Variants in PLG observed in about 807,000 individuals in gnomAD.
PLG encodes plasmin.
A neutral mutation model predicts 104.4 loss-of-function variants in PLG; 41 were observed. That is an observed-to-expected ratio of 0.39 (90% CI 0.31 to 0.51). PLG has a LOEUF of 0.51. Among genes scored for constraint, PLG ranks in the 20% least tolerant of loss-of-function variants. The probability of loss-of-function intolerance (pLI) is 0.76; values close to 1 mark genes in which losing one functional copy is unlikely to be tolerated. For synonymous variants in PLG, 337 were observed against 357.1 expected, an observed-to-expected ratio of 0.94 and a Z score of 0.63; for missense variants, 891 against 1,003.6, an observed-to-expected ratio of 0.89 and a Z score of 1.52.
rs965108304 is a variant in PLG, at chr6:160,735,132, A to T, written c.1681+1044A>T. The stretch of plus-strand genomic sequence containing the variant: ...ATGCGGCATTGTGATCTCTGGATTT[A>T]GCATGAGTTGATAGCTGACTTTTTC... On this transcript the variant is annotated intron_variant, in intron 13 of 18. Coordinates refer to ENST00000308192, the MANE Select transcript of PLG (RefSeq NM_000301.5). The surrounding 1 kb of genome is among the most constrained non-coding windows in gnomAD (Gnocchi z 5.4). Among the ~76,000 whole-genome samples, 1 of 152,200 alleles carries T rather than the reference A, an allele frequency of 6.6e-6. No individual in the cohort carries two copies. Among genetic ancestry groups the T allele is most frequent in the Non-Finnish European group, 1.5e-5 (1 of 68,034 alleles).
At position 160,714,883 on chromosome 6, in the gene PLG, A is replaced by G; in HGVS notation, c.637A>G (p.Ser213Gly). 1 of 1,613,888 alleles carries G rather than the reference A, an allele frequency of 6.2e-7. No individual in the cohort carries two copies. Among genetic ancestry groups the G allele is most frequent in the East Asian group, 2.2e-5 (1 of 44,874 alleles). ...GGAATGCCAGGCCTGGGACTCTCAG[A>G]GCCCACACGCTCATGGATACATTCC... ...GLECQAWDSQ[S>G]PHAHGYIPSK... The change falls in exon 6 of 19, where the codon AGC becomes GGC. Residue 213 changes from serine (S) to glycine (G), a missense_variant. Around this residue, in one of 2 missense-constraint regions of PLG, gnomAD observed 854 missense variants for 932.1 expected, o/e 0.92. Coordinates refer to ENST00000308192, the MANE Select transcript of PLG (RefSeq NM_000301.5).
Position 160,723,496 on chromosome 6 carries a change from G to T in PLG, c.1256+929G>T, listed in dbSNP as rs1777878553. Among the ~76,000 whole-genome samples the T allele has an allele frequency of 6.6e-6, 1 of 152,174 alleles. No homozygotes were observed. The highest frequency in any genetic ancestry group is 2.1e-4 in the South Asian group (1 of 4,830). ...GGAGACTTCCTGGGCTGAAGAACAA[G>T]GAGATGGAGCCCAAGCCGACCACAG... On this transcript the variant is annotated intron_variant, in intron 10 of 18. Transcript: ENST00000308192. The surrounding 1 kb of genome is among the most constrained non-coding windows in gnomAD (Gnocchi z 4.7).
chr6:160,753,602 G>A lies in PLG; in HGVS notation c.*541G>A, dbSNP rs1778445665. Among the ~76,000 whole-genome samples the A allele has an allele frequency of 6.6e-6, 1 of 152,254 alleles. No homozygotes were observed. Among genetic ancestry groups the A allele is most frequent in the African/African-American group, 2.4e-5 (1 of 41,550 alleles). On this transcript the variant is annotated 3_prime_UTR_variant, in exon 19 of 19. Transcript: ENST00000308192. This position sits in a 1 kb window ranked among gnomAD's most constrained non-coding sequence, Gnocchi z 5.4. ...TTGGGAATGAAATCTGTCACCGACT[G>A]CTTGACTTGAGCCCAGGGGACACGG... is the stretch of plus-strand genomic sequence containing the variant.
Position 160,722,356 on chromosome 6 carries a change from CTTCT to C in PLG, c.1097-49_1097-46del, listed in dbSNP as rs1220702204. On this transcript the variant is annotated intron_variant, in intron 9 of 18. Transcript: ENST00000308192. ...TGTTTTTGTCATAAATTGCTTCATG[CTTCT>C]TTTTTTTCAGTAATTGTTAAGCTTG... The C allele has an allele frequency of 9.2e-6, 13 of 1,412,512 alleles. No individual in the cohort carries two copies. The Admixed American group carries it at 2.2e-4, about 24-fold the overall frequency. 87.5% of individuals were successfully genotyped at this position (1,412,512 alleles called of 1,614,324 possible).
intron 10 of PLG, among the ~76,000 whole-genome samples, chr6:160,729,393 G>T (rs1777964497): frequency 6.6e-6 from 1 of 152,034 alleles, no homozygotes; most frequent in African/African-American, 2.4e-5. Flanking sequence ...TTTACCCCAT[G>T]GAAATGAAAA....
rs1268123606 is a variant in PLG, at chr6:160,732,049, G to A, written c.1587+156G>A. Among the ~76,000 whole-genome samples, 3 of 152,168 alleles carry A rather than the reference G, an allele frequency of 2.0e-5. No individual in the cohort carries two copies. Among genetic ancestry groups the A allele is most frequent in the Admixed American group, 6.5e-5 (1 of 15,282 alleles). On this transcript the variant is annotated intron_variant, in intron 12 of 18. Transcript: ENST00000308192. The surrounding 1 kb of genome is among the most constrained non-coding windows in gnomAD (Gnocchi z 4.5). ...TATTGGAAAGGCATCAGGGGGCTAA[G>A]CTAGAATATAATTGGCCTTAGTATG...
At position 160,725,711 on chromosome 6, in the gene PLG, T is replaced by C. The variant is rs1177844691; in HGVS notation, c.1256+3144T>C. Among the ~76,000 whole-genome samples the C allele has an allele frequency of 6.6e-6, 1 of 152,160 alleles. No individual in the cohort carries two copies. Among genetic ancestry groups the C allele is most frequent in the Non-Finnish European group, 1.5e-5 (1 of 68,014 alleles). Reference sequence around the variant, plus strand: ...AAATCAAAGCCCAATTATGTTCTTTTTACTATACATGCTCTTTAATTGTAA... The same window carrying C: ...AAATCAAAGCCCAATTATGTTCTTTCTACTATACATGCTCTTTAATTGTAA... On this transcript the variant is annotated intron_variant, in intron 10 of 18. Coordinates refer to ENST00000308192, the MANE Select transcript of PLG (RefSeq NM_000301.5). This position sits in a 1 kb window ranked among gnomAD's most constrained non-coding sequence, Gnocchi z 6.3.
rs147042213 is a variant in PLG, at chr6:160,741,465, G to C, written c.2125+48G>C. 31 of 1,043,132 alleles carry C rather than the reference G, an allele frequency of 3.0e-5. No homozygotes were observed. The highest frequency in any genetic ancestry group is 4.2e-5 in the Non-Finnish European group (28 of 660,226). 64.6% of individuals were successfully genotyped at this position (1,043,132 alleles called of 1,614,324 possible). On this transcript the variant is annotated intron_variant, in intron 17 of 18. Transcript: ENST00000308192. This position sits in a 1 kb window ranked among gnomAD's most constrained non-coding sequence, Gnocchi z 4.7. ...CATAACGAATTGGTTTTGACCTACA[G>C]TCCATGTGACAAAATGATCATTTTG... is the stretch of plus-strand genomic sequence containing the variant.
Position 160,754,043 on chromosome 6 carries a change from C to T in PLG, c.*982C>T, listed in dbSNP as rs547111906. Among the ~76,000 whole-genome samples, 1 of 152,310 alleles carries T rather than the reference C, an allele frequency of 6.6e-6. No individual in the cohort carries two copies. The highest frequency in any genetic ancestry group is 2.1e-4 in the South Asian group (1 of 4,810). On this transcript the variant is annotated 3_prime_UTR_variant, in exon 19 of 19. Coordinates refer to ENST00000308192, the MANE Select transcript of PLG (RefSeq NM_000301.5). The surrounding 1 kb of genome is among the most constrained non-coding windows in gnomAD (Gnocchi z 4.9). ...TGTGAATAAAGGGTGAATGTAGTCT[C>T]AAATCCTCAAAGAGCTGTGTTTATT...
At position 160,736,986 on chromosome 6, in the gene PLG, G is replaced by A; in HGVS notation, c.1781G>A (p.Trp594Ter). ...GTGGCCCACCCACATTCCTGGCCCT[G>A]GCAAGTCAGTCTTAGAACAAGGTAA... ...GCVAHPHSWP[W>*]QVSLRTRFGM... Residue 594 changes from tryptophan (W) to a stop codon, truncating the protein, a stop_gained, in exon 14 of 19, where the codon TGG (tryptophan) becomes TAG (stop). Transcript: ENST00000308192. LOFTEE classifies it high-confidence loss of function. The surrounding 1 kb of genome is among the most constrained non-coding windows in gnomAD (Gnocchi z 5.2). The A allele has an allele frequency of 6.2e-7, 1 of 1,613,588 alleles. No homozygotes were observed. The highest frequency in any genetic ancestry group is 8.5e-7 in the Non-Finnish European group (1 of 1,179,876).
In PLG at chr6:160,734,388, G is replaced by A. The variant is rs960067899; in HGVS notation, c.1681+300G>A. On this transcript the variant is annotated intron_variant, in intron 13 of 18. Coordinates refer to ENST00000308192, the MANE Select transcript of PLG (RefSeq NM_000301.5). The surrounding 1 kb of genome is among the most constrained non-coding windows in gnomAD (Gnocchi z 4.4). ...CCCACTGAATGCTGCCATGTCTAGC[G>A]TGGGATGCATGAAAAATTTAGAGTC... Among the ~76,000 whole-genome samples the A allele has an allele frequency of 5.3e-5, 8 of 152,150 alleles. No individual in the cohort carries two copies. The highest frequency in any genetic ancestry group is 2.1e-4 in the South Asian group (1 of 4,822).
chr6:160,706,739 C>T (rs1191378877), intron 2 of PLG, 197 bp downstream of exon 2: 4 of 617,128 alleles, frequency 6.5e-6, no homozygotes, highest in Admixed American at 3.0e-5. Flanking sequence ...AGAAAAATAC[C>T]CTCAAAGGAA....
chr6:160,745,432 G>C, intron 17 of PLG, among the ~76,000 whole-genome samples: 1 of 152,072 alleles, frequency 6.6e-6, no homozygotes, highest in South Asian at 2.1e-4. Context: ...GTCTTTGTTG[G>C]TTTAAAGTCT....
rs181305988 is a variant in PLG at position 160,727,408 on chromosome 6, A to G, written c.1257-3643A>G. Among the ~76,000 whole-genome samples the G allele has an allele frequency of 4.6e-5, 7 of 151,686 alleles. No homozygotes were observed. In the East Asian group the frequency reaches 1.2e-3, roughly 25 times the overall value. On this transcript the variant is annotated intron_variant, in intron 10 of 18. Coordinates refer to ENST00000308192, the MANE Select transcript of PLG (RefSeq NM_000301.5). ...AATCCAATTCTTCACGATCTGTTACAGAAAATAGAGGAGAAGGGAAATATT... is the reference window on the plus strand; with the variant it reads ...AATCCAATTCTTCACGATCTGTTACGGAAAATAGAGGAGAAGGGAAATATT...
chr6:160,732,038 CA>C lies in PLG; in HGVS notation c.1587+146del, dbSNP rs745678088. On this transcript the variant is annotated intron_variant, in intron 12 of 18. Transcript: ENST00000308192. The surrounding 1 kb of genome is among the most constrained non-coding windows in gnomAD (Gnocchi z 4.5). ...ACAGAAGAAAATATTGGAAAGGCAT[CA>C]GGGGGCTAAGCTAGAATATAATTGG... is the stretch of plus-strand genomic sequence containing the variant. 8.2e-6 allele frequency: 7 copies of C among 851,514 alleles called. No individual in the cohort carries two copies. Among genetic ancestry groups the C allele is most frequent in the Admixed American group, 7.6e-5 (4 of 52,500 alleles). 52.7% of individuals were successfully genotyped at this position (851,514 alleles called of 1,614,324 possible).
At position 160,754,012 on chromosome 6, in the gene PLG, A is replaced by T. The variant is rs1009708082; in HGVS notation, c.*951A>T. Among the ~76,000 whole-genome samples, 7 of 152,262 alleles carry T rather than the reference A, an allele frequency of 4.6e-5. No individual in the cohort carries two copies. Among genetic ancestry groups the T allele is most frequent in the African/African-American group, 1.7e-4 (7 of 41,472 alleles). On this transcript the variant is annotated 3_prime_UTR_variant, in exon 19 of 19. Coordinates refer to ENST00000308192, the MANE Select transcript of PLG (RefSeq NM_000301.5). The surrounding 1 kb of genome is among the most constrained non-coding windows in gnomAD (Gnocchi z 4.9). The stretch of plus-strand genomic sequence containing the variant: ...AAATGCAGAGAAAAGCAAAACTGCA[A>T]GTGACTGTGAATAAAGGGTGAATGT...
rs4252120 is a variant in PLG, at chr6:160,722,576, T to G, written c.1256+9T>G. 1 of 1,609,862 alleles carries G rather than the reference T, an allele frequency of 6.2e-7. No individual in the cohort carries two copies. Among genetic ancestry groups the G allele is most frequent in the Non-Finnish European group, 8.5e-7 (1 of 1,176,370 alleles). ...GAAAACTACCCAAATGCGTATGTCTTTGATTTTTACTGTAAGAGGGGCATC... is the reference window on the plus strand; with the variant it reads ...GAAAACTACCCAAATGCGTATGTCTGTGATTTTTACTGTAAGAGGGGCATC... On this transcript the variant is annotated intron_variant, in intron 10 of 18. Coordinates refer to ENST00000308192, the MANE Select transcript of PLG (RefSeq NM_000301.5).
At chr6:160,705,172 C>G (rs1439184718) in intron 1 of PLG, among the ~76,000 whole-genome samples, 1 of 152,152 alleles carries the variant, frequency 6.6e-6, no homozygotes, top group Non-Finnish European at 1.5e-5. Flanking sequence ...CTCTTTTGGC[C>G]TCTCACCCTT....
At chr6:160,707,005 C>T (rs1185898803) in intron 2 of PLG, among the ~76,000 whole-genome samples, 1 of 151,284 alleles carries the variant, frequency 6.6e-6, no homozygotes, top group Non-Finnish European at 1.5e-5. Flanking sequence ...AATGCATGCT[C>T]TACCCAGATC....
Sources: gnomAD v4.1 joint callset for allele counts (sites outside exome capture counted in the v4.1 genomes callset) on GRCh38, gnomAD v4.1.1 for gene constraint, gnomAD v4.1.1 regional missense constraint, Gnocchi (gnomAD v3.1) non-coding constraint, MANE v1.5 for transcripts, NCBI Gene and HGNC (gene_info 2026-07-23, HGNC 2026-07-21) for gene names.